The following PARPBP variants were observed in gnomAD, a reference collection of about 807,000 sequenced individuals.
The protein encoded by PARPBP is PCNA-interacting partner.
A neutral mutation model predicts 50.0 loss-of-function variants in PARPBP; 52 were observed. The observed-to-expected ratio is 1.04, with a 90% confidence interval of 0.83 to 1.31. The LOEUF (loss-of-function observed/expected upper bound fraction) is 1.31. Ranked by LOEUF, PARPBP falls within the 50% of genes most tolerant of loss-of-function variation. The pLI is 0.00. For synonymous variants in PARPBP, 244 were observed against 232.1 expected (o/e 1.05, Z -0.47); for missense variants, 697 against 672.0 (o/e 1.04, Z -0.41).
intron 2 of PARPBP, among the ~76,000 whole-genome samples, chr12:102,148,021 C>T (rs1306330028): frequency 6.6e-6 from 1 of 152,084 alleles, no homozygotes; most frequent in Admixed American, 6.6e-5. Context: ...CTTAGTTGTT[C>T]ATATTTTATA....
chr12:102,148,543 A>T, intron 3 of PARPBP, 80 bp downstream of exon 3: 1 of 569,702 alleles, frequency 1.8e-6, no homozygotes, highest in Non-Finnish European at 3.0e-6. Flanking sequence ...ATCACCAGTT[A>T]TAGTAACTTG....
At chr12:102,148,506 T>G (rs1470865301) in intron 3 of PARPBP, 43 bp downstream of exon 3, 2 of 735,438 alleles carry the variant, frequency 2.7e-6, no homozygotes, top group African/African-American at 3.7e-5. Flanking sequence ...AAATTAAAAT[T>G]TAGCTCTATT....
intron 2 of PARPBP, among the ~76,000 whole-genome samples, chr12:102,135,938 T>C (rs942632678): frequency 6.6e-6 from 1 of 152,216 alleles, no homozygotes; most frequent in African/African-American, 2.4e-5. Flanking sequence ...CTTACATTCT[T>C]CTACCTGCAT....
At chr12:102,181,603 A>G (rs1889828218) in intron 8 of PARPBP, among the ~76,000 whole-genome samples, 1 of 152,136 alleles carries the variant, frequency 6.6e-6, no homozygotes, top group South Asian at 2.1e-4. Flanking sequence ...GTTGACCAAA[A>G]TGTTGTTATG....
intron 7 of PARPBP, among the ~76,000 whole-genome samples, 154 bp from the exon 8 acceptor site, chr12:102,178,433 GGAAAA>G (rs1298060116): frequency 1.3e-5 from 2 of 152,298 alleles, no homozygotes; most frequent in Admixed American, 1.3e-4. Flanking sequence ...CATGGCTTAA[GGAAAA>G]ATGGTCACAT....
At chr12:102,186,605 C>T (rs1594625850) in intron 9 of PARPBP, among the ~76,000 whole-genome samples, 1 of 152,058 alleles carries the variant, frequency 6.6e-6, no homozygotes, top group Non-Finnish European at 1.5e-5. Context: ...TACCCTTATA[C>T]CTTTTTATTA....
chr12:102,171,681 A>G (rs1256641994), intron 6 of PARPBP, among the ~76,000 whole-genome samples: 2 of 152,014 alleles, frequency 1.3e-5, no homozygotes, highest in Non-Finnish European at 2.9e-5. Flanking sequence ...CCTGGCTAAC[A>G]CGGTGAAACC....
At chr12:102,180,166 C>T (rs569896098) in intron 8 of PARPBP, among the ~76,000 whole-genome samples, 7 of 152,200 alleles carry the variant, frequency 4.6e-5, no homozygotes, top group Admixed American at 3.3e-4. Flanking sequence ...ATTTTATTAA[C>T]GATAAATATT....
chr12:102,136,138 C>T (rs1246231408), intron 2 of PARPBP, among the ~76,000 whole-genome samples: 1 of 152,184 alleles, frequency 6.6e-6, no homozygotes, highest in African/African-American at 2.4e-5. Flanking sequence ...TGGCATGTGC[C>T]ATTGTTCACT....
intron 4 of PARPBP, among the ~76,000 whole-genome samples, chr12:102,163,239 ATTAT>A (rs1420295740): frequency 6.6e-6 from 1 of 152,192 alleles, no homozygotes; most frequent in Non-Finnish European, 1.5e-5. Context: ...CTCTATCTTA[ATTAT>A]TGTAATCGTA....
chr12:102,152,477 A>G (rs1886328014), intron 3 of PARPBP, among the ~76,000 whole-genome samples: 1 of 152,220 alleles, frequency 6.6e-6, no homozygotes, highest in Non-Finnish European at 1.5e-5. Flanking sequence ...AATTTCGTGT[A>G]TTGATGTTCT....
In PARPBP at chr12:102,148,215, C is replaced by G. The variant is rs1179167740; in HGVS notation, c.154-15C>G. On this transcript the variant is annotated splice_polypyrimidine_tract_variant and intron_variant, in intron 2 of 10. Transcript: ENST00000327680. ...CCAACTTTATTTTTTTTTTTTTTGG[C>G]ATTATCTTTTTCAGCACAGTGGAGA... 15 of 962,430 alleles carry G rather than the reference C, an allele frequency of 1.6e-5. 1 individual carries two copies. Among genetic ancestry groups the G allele is most frequent in the South Asian group, 1.2e-4 (6 of 49,510 alleles). The allele number at this position is 962,430 out of a possible 1,614,324, so 59.6% of individuals were successfully genotyped here.
rs757142854 is a variant in PARPBP, at chr12:102,182,583, C to A, written c.1219C>A (p.Leu407Ile). Residue 407 changes from leucine (L) to isoleucine (I), a missense_variant, in exon 9 of 11, where the codon CTA becomes ATA. Transcript: ENST00000327680. Reference sequence around the variant, plus strand: ...ACAGGTGAATAATTCGATAAAACCCCTAAGAGAACGCATCTGTGTGTCAAT... The same window carrying A: ...ACAGGTGAATAATTCGATAAAACCCATAAGAGAACGCATCTGTGTGTCAAT... ...PTQVNNSIKP[L>I]RERICVSMQE... 1.2e-6 allele frequency: 2 copies of A among 1,611,910 alleles called. No homozygotes were observed.
intron 3 of PARPBP, chr12:102,151,629 C>T (rs1345160020): frequency 1.3e-6 from 2 of 1,535,654 alleles, no homozygotes. Flanking sequence ...GGCCAGATCT[C>T]TTGGCTCCTG....
rs879868366 is a variant in PARPBP at position 102,171,786 on chromosome 12, G to T, written c.822-3697G>T. Among the ~76,000 whole-genome samples the T allele has an allele frequency of 2.0e-5, 3 of 151,726 alleles. No individual in the cohort carries two copies. In the Middle Eastern group the frequency reaches 0.01, roughly 516 times the overall value. ...CGGGAGGCTGAGGCAGGAGAATGGC[G>T]TGAACCCGGGAGGCGGAGCTTGCAG... is the stretch of plus-strand genomic sequence containing the variant. On this transcript the variant is annotated intron_variant, in intron 6 of 10. Coordinates refer to ENST00000327680, the MANE Select transcript of PARPBP (RefSeq NM_017915.5).
intron 2 of PARPBP, among the ~76,000 whole-genome samples, chr12:102,128,614 A>G (rs929488967): frequency 3.3e-5 from 5 of 152,166 alleles, no homozygotes; most frequent in Non-Finnish European, 7.4e-5. Context: ...TTTCCTTAAT[A>G]TAATGTTTTC....
intron 9 of PARPBP, 139 bp from the exon 10 acceptor site, chr12:102,195,173 A>G (rs547326435): frequency 2.1e-6 from 1 of 477,548 alleles, no homozygotes; most frequent in South Asian, 4.2e-5. Flanking sequence ...ATAAAAGGTT[A>G]GAGAGAGGTT....
chr12:102,127,628 A>G (rs1275324929), intron 2 of PARPBP, among the ~76,000 whole-genome samples: 2 of 152,260 alleles, frequency 1.3e-5, no homozygotes, highest in African/African-American at 4.8e-5. Context: ...GAAATAAACT[A>G]GAAATATTCT....
chr12:102,165,047 T>G (rs987362254), intron 5 of PARPBP, among the ~76,000 whole-genome samples: 1 of 152,224 alleles, frequency 6.6e-6, no homozygotes, highest in Non-Finnish European at 1.5e-5. Flanking sequence ...ATCTGTTGTT[T>G]CCTAATTTAT....
Sources: allele counts gnomAD v4.1 joint callset (sites outside exome capture counted in the v4.1 genomes callset), GRCh38; gene constraint gnomAD v4.1.1; transcripts MANE v1.5; gene names NCBI Gene and HGNC (gene_info 2026-07-23, HGNC 2026-07-21).